Variants in FAM199X observed in about 807,000 individuals in gnomAD.
The protein encoded by FAM199X is family with sequence similarity 199, X-linked.
Under a neutral mutation model 22.9 loss-of-function variants are expected in FAM199X, and 4 were observed. The observed-to-expected ratio is 0.17, with a 90% CI of 0.09 to 0.40. The LOEUF is 0.40. Ranked by LOEUF, FAM199X falls within the 10% of genes least tolerant of loss-of-function variation. The probability of loss-of-function intolerance (pLI) is 1.00; values close to 1 mark genes in which losing one functional copy is unlikely to be tolerated. For missense variants in FAM199X, 183 were observed against 306.8 expected (o/e 0.60, Z 3.01); for synonymous variants, 101 against 112.3 (o/e 0.90, Z 0.64).
the FAM199X span, among the ~76,000 whole-genome samples, chrX:104,158,009 C>T: frequency 8.9e-6 from 1 of 112,446 alleles, no homozygotes; most frequent in African/African-American, 3.2e-5. Flanking sequence ...CTGCTTAAAG[C>T]AGCTAAGAAA....
At chrX:104,168,329 C>G (rs1018663290) in intron 1 of FAM199X, among the ~76,000 whole-genome samples, 6 of 111,976 alleles carry the variant, frequency 5.4e-5, no homozygotes, top group African/African-American at 9.8e-5. Flanking sequence ...CAAGACTATT[C>G]CTTTGAAGCC....
At chrX:104,176,474 T>C (rs782559252) in intron 2 of FAM199X, among the ~76,000 whole-genome samples, 1 of 112,379 alleles carries the variant, frequency 8.9e-6, no homozygotes, top group Non-Finnish European at 1.9e-5. Context: ...TTTAAAGACG[T>C]TTTCCCTGCC....
At chrX:104,176,509 A>G (rs944746493) in intron 2 of FAM199X, among the ~76,000 whole-genome samples, 1 of 112,547 alleles carries the variant, frequency 8.9e-6, no homozygotes, top group Non-Finnish European at 1.9e-5. Flanking sequence ...TATTCGCTAG[A>G]TAAACTCGAA....
chrX:104,174,636 T>C (rs1556376054), intron 1 of FAM199X, among the ~76,000 whole-genome samples: 1 of 111,909 alleles, frequency 8.9e-6, no homozygotes, highest in East Asian at 2.8e-4. Context: ...TAAATTATGA[T>C]ACATTTAGCC....
At position 104,166,676 on chromosome X, in the gene FAM199X, G is replaced by C. The variant is rs1282651207; in HGVS notation, c.-110G>C. The C allele has an allele frequency of 1.8e-4, 127 of 693,051 alleles. No individual in the cohort carries two copies. Among genetic ancestry groups the C allele is most frequent in the Middle Eastern group, 1.1e-3 (2 of 1,892 alleles). 57.1% of individuals were successfully genotyped at this position (693,051 alleles called of 1,213,427 possible). On this transcript the variant is annotated 5_prime_UTR_variant, in exon 1 of 6. Transcript: ENST00000493442. ...GCCCAGCCTGCCAGTGAGCTGCGAC[G>C]GGCACACCCCGGAGCGTCGGCGACT...
rs186712246 is a variant in FAM199X, at chrX:104,175,609, T to C, written c.198-14T>C. The C allele has an allele frequency of 6.7e-6, 8 of 1,186,310 alleles. No homozygotes were observed. The East Asian group carries it at 2.4e-4, about 35-fold the overall frequency. On this transcript the variant is annotated splice_polypyrimidine_tract_variant and intron_variant, in intron 1 of 5. Transcript: ENST00000493442. The stretch of plus-strand genomic sequence containing the variant: ...TGTAGTTCTCTTGATTTCTTTCGTG[T>C]TGTGTTTTTGAAGGTGGAACCTAAC...
At chrX:104,162,408 T>C (rs1556372847), upstream of FAM199X, among the ~76,000 whole-genome samples, 1 of 112,223 alleles carries the variant, frequency 8.9e-6, no homozygotes. Context: ...TTGTATATGA[T>C]TGATATCACA....
At position 104,182,693 on chromosome X, in the gene FAM199X, A is replaced by G. The variant is rs141848105; in HGVS notation, c.418-3373A>G. Among the ~76,000 whole-genome samples the G allele has an allele frequency of 1.2e-4, 13 of 111,366 alleles. No homozygotes were observed. The East Asian group carries it at 3.7e-3, about 31-fold the overall frequency. On this transcript the variant is annotated intron_variant, in intron 2 of 5. Coordinates refer to ENST00000493442, the MANE Select transcript of FAM199X (RefSeq NM_207318.4). ...AATGTCTTTTCCTTTTCCCCCTATC[A>G]TTCTGAAACACTGCCTTGTGAAATT...
chrX:104,178,196 C>T (rs993699283), intron 2 of FAM199X, among the ~76,000 whole-genome samples: 4 of 109,711 alleles, frequency 3.6e-5, no homozygotes, highest in Non-Finnish European at 7.6e-5. Flanking sequence ...GAGTCCCGCT[C>T]AGCTCAGTTG....
At position 104,182,485 on chromosome X, in the gene FAM199X, G is replaced by A. The variant is rs184317647; in HGVS notation, c.418-3581G>A. ...AAGTTACTTCTTAGAAAATGTTATC[G>A]GCCTACTTCTGCATATCATATGACG... On this transcript the variant is annotated intron_variant, in intron 2 of 5. Coordinates refer to ENST00000493442, the MANE Select transcript of FAM199X (RefSeq NM_207318.4). Among the ~76,000 whole-genome samples, 135 of 110,698 alleles carry A rather than the reference G, an allele frequency of 1.2e-3. 1 individual carries two copies. The highest frequency in any genetic ancestry group is 5.0e-3 in the South Asian group (13 of 2,597).
Position 104,179,976 on chromosome X carries a change from CTTTTTTTTTT to C in FAM199X, c.417+4144_417+4153del, listed in dbSNP as rs1162038054. On this transcript the variant is annotated intron_variant, in intron 2 of 5. Coordinates refer to ENST00000493442, the MANE Select transcript of FAM199X (RefSeq NM_207318.4). ...TCATGATATTGATAATGAATTTTTC[CTTTTTTTTTT>C]TTTTTTTTTGAGACAAGGCCTGGCT... is the stretch of plus-strand genomic sequence containing the variant. 4.6e-5 allele frequency among the ~76,000 whole-genome samples: 4 copies of C among 86,114 alleles called. No individual in the cohort carries two copies. The East Asian group carries it at 1.4e-3, about 31-fold the overall frequency. 74.8% of individuals were successfully genotyped at this position (86,114 alleles called of 115,157 possible).
At chrX:104,162,583 C>T (rs945424862), upstream of FAM199X, among the ~76,000 whole-genome samples, 4 of 112,141 alleles carry the variant, frequency 3.6e-5, no homozygotes, top group Non-Finnish European at 5.6e-5. Context: ...ACTGTAAAAA[C>T]CTCACTAATC....
intron 1 of FAM199X, among the ~76,000 whole-genome samples, chrX:104,173,094 G>T (rs959705680): frequency 9.0e-6 from 1 of 111,035 alleles, no homozygotes; most frequent in Non-Finnish European, 1.9e-5. Flanking sequence ...TCAGCCTCCC[G>T]AGAGTAGCTG....
At position 104,166,806 on chromosome X, in the gene FAM199X, C is replaced by T. The variant is rs781864420; in HGVS notation, c.21C>T (p.Ala7=). 7.5e-6 allele frequency: 9 copies of T among 1,204,465 alleles called. No homozygotes were observed. Among genetic ancestry groups the T allele is most frequent in the Non-Finnish European group, 9.0e-6 (8 of 892,506 alleles). The change falls in exon 1 of 6, where the codon GCC becomes GCT. Residue 7 remains alanine, a synonymous_variant. Coordinates refer to ENST00000493442, the MANE Select transcript of FAM199X (RefSeq NM_207318.4). MSDEAS[A]ITSYEKFLTP... ...CAACCATGTCCGACGAGGCCTCGGC[C>T]ATCACTTCCTACGAGAAGTTTCTAA...
chrX:104,188,282 A>G lies in FAM199X; in HGVS notation c.972A>G (p.Ala324=). The G allele has an allele frequency of 8.2e-7, 1 of 1,212,295 alleles. No individual in the cohort carries two copies. Among genetic ancestry groups the G allele is most frequent in the African/African-American group, 1.7e-5 (1 of 57,975 alleles). The change falls in exon 5 of 6, where the codon GCA becomes GCG. Residue 324 remains alanine, a synonymous_variant. Transcript: ENST00000493442. ...GTGACAGCAACCTGTCTGCAAGTGC[A>G]GCAGAGCGGATTCGGGATTCAAAAG... is the stretch of plus-strand genomic sequence containing the variant. ...AHSDSNLSAS[A]AERIRDSKKR...
rs1209382099 is a variant in FAM199X, at chrX:104,189,831, T to C, written c.*53T>C. The C allele has an allele frequency of 2.8e-5, 32 of 1,156,367 alleles. No individual in the cohort carries two copies. The highest frequency in any genetic ancestry group is 3.6e-5 in the African/African-American group (2 of 55,685). ...TGAGCATTAAAATACTCCATCCTTA[T>C]GGGTTTACATGCATCTTGACCAAAA... On this transcript the variant is annotated 3_prime_UTR_variant, in exon 6 of 6. Coordinates refer to ENST00000493442, the MANE Select transcript of FAM199X (RefSeq NM_207318.4).
Position 104,166,758 on chromosome X carries a change from G to C in FAM199X, c.-28G>C. The C allele has an allele frequency of 8.4e-7, 1 of 1,183,866 alleles. No homozygotes were observed. Among genetic ancestry groups the C allele is most frequent in the African/African-American group, 1.7e-5 (1 of 57,205 alleles). ...CGCGGGAGCAGCCCAGGGCCAGAGA[G>C]GGAGCCCGAGCCAGGCCATCTCCAA... On this transcript the variant is annotated 5_prime_UTR_variant, in exon 1 of 6. Coordinates refer to ENST00000493442, the MANE Select transcript of FAM199X (RefSeq NM_207318.4).
upstream of FAM199X, among the ~76,000 whole-genome samples, chrX:104,162,574 C>T (rs1921067276): frequency 8.9e-6 from 1 of 112,120 alleles, no homozygotes; most frequent in Non-Finnish European, 1.9e-5. Flanking sequence ...ATGTCACTCA[C>T]TGTAAAAACC....
Position 104,193,130 on chromosome X carries a change from A to G in FAM199X, c.*3352A>G, listed in dbSNP as rs1436244331. The G allele has an allele frequency of 9.0e-6, 1 of 111,654 alleles. No individual in the cohort carries two copies. Among genetic ancestry groups the G allele is most frequent in the Non-Finnish European group, 1.9e-5 (1 of 52,939 alleles). The allele number at this position is 111,654 out of a possible 1,213,427, so 9.2% of individuals were successfully genotyped here. A position where few individuals can be genotyped will look rare whatever the true frequency, so the allele number is the denominator to read the frequency against. On this transcript the variant is annotated 3_prime_UTR_variant, in exon 6 of 6. Transcript: ENST00000493442. Reference sequence around the variant, plus strand: ...TCAATATCAGGCTTTTCAAAACTCAAAAACAATCCAAATGTTGTAATTTGT... The same window carrying G: ...TCAATATCAGGCTTTTCAAAACTCAGAAACAATCCAAATGTTGTAATTTGT...
Sources: allele counts gnomAD v4.1 joint callset (sites outside exome capture counted in the v4.1 genomes callset), GRCh38; gene constraint gnomAD v4.1.1; transcripts MANE v1.5; gene names NCBI Gene and HGNC (gene_info 2026-07-23, HGNC 2026-07-21).